The following LLGL2 variants were observed in gnomAD, a reference collection of about 807,000 sequenced individuals.
LLGL2 encodes the protein LLGL scribble cell polarity complex component 2, also known as LLGL2, scribble cell polarity complex component.
In LLGL2, 81 loss-of-function variants were observed where a neutral mutation model predicts 123.2. The observed-to-expected ratio is 0.66, with a 90% CI of 0.55 to 0.79. LLGL2 has a LOEUF of 0.79. Ranked by LOEUF, LLGL2 falls within the 30% of genes least tolerant of loss-of-function variation. The pLI, the probability that LLGL2 is intolerant of heterozygous loss-of-function variation, is 0.00. For synonymous variants in LLGL2, 577 were observed against 594.1 expected, an observed-to-expected ratio of 0.97 and a Z score of 0.42; for missense variants, 1,273 against 1,414.6, an observed-to-expected ratio of 0.90 and a Z score of 1.61.
At position 75,558,462 on chromosome 17, in the gene LLGL2, G is replaced by C. The variant is rs757188203; in HGVS notation, c.256-50G>C. 1.5e-5 allele frequency: 23 copies of C among 1,485,606 alleles called. No homozygotes were observed. Among genetic ancestry groups the C allele is most frequent in the Non-Finnish European group, 2.0e-5 (22 of 1,089,740 alleles). 92.0% of individuals were successfully genotyped at this position (1,485,606 alleles called of 1,614,324 possible). On this transcript the variant is annotated intron_variant, in intron 4 of 25. Transcript: ENST00000392550. This position sits in a 1 kb window ranked among gnomAD's most constrained non-coding sequence, Gnocchi z 4.0. The stretch of plus-strand genomic sequence containing the variant: ...GGCTGCGTGGCCCCAGTGTGTAAAG[G>C]CCTTGCCTGGGTAGCAAGACCACAT...
At chr17:75,556,854 T>G (rs1391757664) in intron 3 of LLGL2, among the ~76,000 whole-genome samples, 2 of 152,098 alleles carry the variant, frequency 1.3e-5, no homozygotes, top group Non-Finnish European at 2.9e-5. Flanking sequence ...GGTAAAACCC[T>G]GTCTCTACTA....
At chr17:75,557,034 CTTTTTTTTTTTT>C (rs55649536) in intron 3 of LLGL2, among the ~76,000 whole-genome samples, 61,095 of 112,654 alleles carry the variant, frequency 0.54, 15,940 homozygotes, top group South Asian at 0.68. Flanking sequence ...GTCTCAAAAA[CTTTTTTTTTTTT>C]TTTTTTTTTT....
chr17:75,543,949 C>T (rs2054311382), intron 2 of LLGL2, among the ~76,000 whole-genome samples: 2 of 152,176 alleles, frequency 1.3e-5, no homozygotes, highest in Admixed American at 1.3e-4. Context: ...TCTCAAATTG[C>T]CCCTGAAGGA....
In LLGL2 at chr17:75,544,910, AG is replaced by A. The variant is rs1325931797; in HGVS notation, c.75+1411del. Among the ~76,000 whole-genome samples, 4 of 152,112 alleles carry A rather than the reference AG, an allele frequency of 2.6e-5. No individual in the cohort carries two copies. The highest frequency in any genetic ancestry group is 5.9e-5 in the Non-Finnish European group (4 of 68,016). On this transcript the variant is annotated intron_variant, in intron 2 of 25. Coordinates refer to ENST00000392550, the MANE Select transcript of LLGL2 (RefSeq NM_001031803.2). This position sits in a 1 kb window ranked among gnomAD's most constrained non-coding sequence, Gnocchi z 4.2. ...TTTGGGCCTTGGGATATGGGGGTGC[AG>A]GTGTTGGGAATGGGAGATCTCAGGA...
At position 75,572,525 on chromosome 17, in the gene LLGL2, C is replaced by A. The variant is rs139665791; in HGVS notation, c.2460+461C>A. Among the ~76,000 whole-genome samples the A allele has an allele frequency of 2.3e-3, 354 of 152,200 alleles. 3 individuals carry two copies. Among genetic ancestry groups the A allele is most frequent in the African/African-American group, 8.3e-3 (345 of 41,542 alleles). On this transcript the variant is annotated intron_variant, in intron 19 of 25. Transcript: ENST00000392550. The stretch of plus-strand genomic sequence containing the variant: ...AACAAATGCAAAAAAATTAGTTAGG[C>A]GTGGTGGCGGGCACCTGTAGTCCCA...
At chr17:75,569,634 C>T (rs2147531983) in intron 14 of LLGL2, among the ~76,000 whole-genome samples, 1 of 152,250 alleles carries the variant, frequency 6.6e-6, no homozygotes, top group African/African-American at 2.4e-5. Context: ...GAAACCCCAT[C>T]TCTACTAAAA....
Position 75,544,231 on chromosome 17 carries a change from C to G in LLGL2, c.75+730C>G, listed in dbSNP as rs1010377431. Among the ~76,000 whole-genome samples, 1 of 152,212 alleles carries G rather than the reference C, an allele frequency of 6.6e-6. No homozygotes were observed. The highest frequency in any genetic ancestry group is 2.4e-5 in the African/African-American group (1 of 41,436). ...TGGGGCCTTGTGAGGTAATGATCTT[C>G]TCACCTCTGCTTTGCGCCTCTGCTG... On this transcript the variant is annotated intron_variant, in intron 2 of 25. Transcript: ENST00000392550. This position sits in a 1 kb window ranked among gnomAD's most constrained non-coding sequence, Gnocchi z 4.2.
In LLGL2 at chr17:75,556,054, G is replaced by T. The variant is rs772853182; in HGVS notation, c.84G>T (p.Glu28Asp). 2 of 1,608,548 alleles carry T rather than the reference G, an allele frequency of 1.2e-6. No individual in the cohort carries two copies. The highest frequency in any genetic ancestry group is 1.7e-6 in the Non-Finnish European group (2 of 1,179,846). Residue 28 changes from glutamate (E) to aspartate (D), a missense_variant, in exon 3 of 26, where the codon GAG becomes GAT. Transcript: ENST00000392550. The stretch of plus-strand genomic sequence containing the variant: ...CGTGCTTCTCGTTGCAGACGGTGGA[G>T]CATGGCTTCCCGCACCAGCCCAGCG... ...RDLFQFNKTV[E>D]HGFPHQPSAL...
In LLGL2 at chr17:75,574,645, G is replaced by C. The variant is rs142199654; in HGVS notation, c.3032G>C (p.Gly1011Ala). ...TGGCGTTCACATCGAGCCGCCGTGG[G>C]GTGCAGCCTCAGCAATGGCGGAGGT... is the stretch of plus-strand genomic sequence containing the variant. Reference protein sequence around the residue: ...GNWRSHRAAVGCSLSNGGAE With the variant: ...GNWRSHRAAVACSLSNGGAE Residue 1011 changes from glycine to alanine, a missense_variant, in exon 25 of 26, where the codon GGG (glycine) becomes GCG (alanine). Gly to Ala is a moderately conservative substitution (Grantham distance 60, BLOSUM62 0). Coordinates refer to ENST00000392550, the MANE Select transcript of LLGL2 (RefSeq NM_001031803.2). 1.7e-4 allele frequency: 269 copies of C among 1,612,256 alleles called. 4 individuals are homozygous for C. The African/African-American group carries it at 2.7e-3, about 16-fold the overall frequency.
chr17:75,570,859 G>C (rs1378225063), intron 16 of LLGL2, 91 bp from the exon 17 acceptor site: 1 of 1,462,392 alleles, frequency 6.8e-7, no homozygotes, highest in African/African-American at 1.4e-5. Context: ...GCTGTGGCCT[G>C]CCTTCCGATG....
At position 75,558,084 on chromosome 17, in the gene LLGL2, G is replaced by A. The variant is rs776092410; in HGVS notation, c.174-71G>A. 6.2e-6 allele frequency: 9 copies of A among 1,441,536 alleles called. No individual in the cohort carries two copies. Among genetic ancestry groups the A allele is most frequent in the South Asian group, 3.4e-5 (3 of 87,662 alleles). 89.3% of individuals were successfully genotyped at this position (1,441,536 alleles called of 1,614,324 possible). A position where few individuals can be genotyped will look rare whatever the true frequency, so the allele number is the denominator to read the frequency against. Reference sequence around the variant, plus strand: ...GTTTGCATCATTGCACATGGGCCCCGAGGGCCTGGCACTCAAGGCAGGCAG... The same window carrying A: ...GTTTGCATCATTGCACATGGGCCCCAAGGGCCTGGCACTCAAGGCAGGCAG... On this transcript the variant is annotated intron_variant, in intron 3 of 25. Coordinates refer to ENST00000392550, the MANE Select transcript of LLGL2 (RefSeq NM_001031803.2). The surrounding 1 kb of genome is among the most constrained non-coding windows in gnomAD (Gnocchi z 4.0).
chr17:75,547,047 G>A (rs1298278061), intron 2 of LLGL2, among the ~76,000 whole-genome samples: 5 of 152,212 alleles, frequency 3.3e-5, no homozygotes, highest in Non-Finnish European at 5.9e-5. Flanking sequence ...ATCACAGCTC[G>A]ACCCCAGGTG....
In LLGL2 at chr17:75,573,298, T is replaced by C. The variant is rs1384083047; in HGVS notation, c.2725+20T>C. 2.3e-5 allele frequency: 37 copies of C among 1,583,218 alleles called. No individual in the cohort carries two copies. The highest frequency in any genetic ancestry group is 3.0e-5 in the Non-Finnish European group (35 of 1,160,254). On this transcript the variant is annotated intron_variant, in intron 20 of 25. Transcript: ENST00000392550. ...GCCAAGGTGTTTGAGCCGGGCTGGG[T>C]GGGTGTCGGGGCCCCGGGCACTGCA...
chr17:75,559,834 C>T lies in LLGL2; in HGVS notation c.530+424C>T, dbSNP rs1213243186. Among the ~76,000 whole-genome samples the T allele has an allele frequency of 6.6e-6, 1 of 152,192 alleles. No individual in the cohort carries two copies. Among genetic ancestry groups the T allele is most frequent in the Non-Finnish European group, 1.5e-5 (1 of 68,024 alleles). On this transcript the variant is annotated intron_variant, in intron 6 of 25. Coordinates refer to ENST00000392550, the MANE Select transcript of LLGL2 (RefSeq NM_001031803.2). The surrounding 1 kb of genome is among the most constrained non-coding windows in gnomAD (Gnocchi z 4.6). Reference sequence around the variant, plus strand: ...TTCCATTTGCTCGCAAGCTCCGTGGCTAAAAAGCCTTGACCGCCACAGGCA... The same window carrying T: ...TTCCATTTGCTCGCAAGCTCCGTGGTTAAAAAGCCTTGACCGCCACAGGCA...
At chr17:75,527,421 C>CA (rs2053612067) in intron 1 of LLGL2, among the ~76,000 whole-genome samples, 1 of 152,136 alleles carries the variant, frequency 6.6e-6, no homozygotes, top group Admixed American at 6.5e-5. Flanking sequence ...GGCTCCTGGA[C>CA]AGGGTTTCCG....
intron 17 of LLGL2, 77 bp downstream of exon 17, chr17:75,571,177 G>T (rs527485244): frequency 2.8e-5 from 38 of 1,373,924 alleles, no homozygotes; most frequent in Admixed American, 1.6e-4. Context: ...CATGCCGGGG[G>T]CTGCTGCCTG....
intron 1 of LLGL2, among the ~76,000 whole-genome samples, chr17:75,540,629 T>C (rs2054171422): frequency 6.6e-6 from 1 of 152,186 alleles, no homozygotes; most frequent in Non-Finnish European, 1.5e-5. Flanking sequence ...ATTGCAAGGG[T>C]GTCATTGGGC....
In LLGL2 at chr17:75,558,936, TCC is replaced by T; in HGVS notation, c.371+310_371+311del. 2.8e-6 allele frequency: 1 copy of T among 359,430 alleles called. No individual in the cohort carries two copies. The highest frequency in any genetic ancestry group is 3.0e-5 in the South Asian group (1 of 33,128). The allele number at this position is 359,430 out of a possible 1,614,324, so 22.3% of individuals were successfully genotyped here. On this transcript the variant is annotated intron_variant, in intron 5 of 25. Transcript: ENST00000392550. This position sits in a 1 kb window ranked among gnomAD's most constrained non-coding sequence, Gnocchi z 4.0. ...CTCCATCCGCACCCCACCTCCTCCA[TCC>T]GCACCCCGCCTCCTCCATCCGCACC...
At chr17:75,531,966 G>A (rs1418013258) in intron 1 of LLGL2, among the ~76,000 whole-genome samples, 1 of 151,444 alleles carries the variant, frequency 6.6e-6, no homozygotes, top group Non-Finnish European at 1.5e-5. Flanking sequence ...CTTCTCTCGA[G>A]ACACCTGACT....
Sources: allele counts gnomAD v4.1 joint callset (sites outside exome capture counted in the v4.1 genomes callset), GRCh38; gene constraint gnomAD v4.1.1; non-coding constraint Gnocchi (gnomAD v3.1); transcripts MANE v1.5; gene names NCBI Gene and HGNC (gene_info 2026-07-23, HGNC 2026-07-21).